CCDC39: variants seen among roughly 807,000 people sequenced by gnomAD.
The protein encoded by CCDC39 is coiled-coil domain-containing protein 39.
In CCDC39, 113 loss-of-function variants were observed where a neutral mutation model predicts 121.0. The observed-to-expected ratio is 0.93, with a 90% CI of 0.80 to 1.09. The LOEUF (loss-of-function observed/expected upper bound fraction) is 1.09, where lower values mean the gene tolerates loss of function less well. Among genes scored for constraint, CCDC39 ranks in the 50% least tolerant of loss-of-function variants. The probability of loss-of-function intolerance (pLI) is 0.00; values close to 1 mark genes in which losing one functional copy is unlikely to be tolerated. For synonymous variants in CCDC39, 349 were observed against 352.2 expected, an observed-to-expected ratio of 0.99 and a Z score of 0.10; for missense variants, 1,063 against 1,074.7, an observed-to-expected ratio of 0.99 and a Z score of 0.15.
chr3:180,622,086 A>G (rs528324718), intron 14 of CCDC39, among the ~76,000 whole-genome samples: 2 of 152,076 alleles, frequency 1.3e-5, no homozygotes, highest in South Asian at 4.1e-4. Context: ...TGTCATCTAT[A>G]ATTTCTTTCA....
At chr3:180,640,609 A>C (rs1717932476) in intron 13 of CCDC39, among the ~76,000 whole-genome samples, 1 of 152,090 alleles carries the variant, frequency 6.6e-6, no homozygotes, top group African/African-American at 2.4e-5. Context: ...AATCATCTCT[A>C]AAAATACTAC....
chr3:180,628,578 A>G (rs1717619950), intron 14 of CCDC39, among the ~76,000 whole-genome samples: 1 of 152,212 alleles, frequency 6.6e-6, no homozygotes, highest in South Asian at 2.1e-4. Context: ...AGAAACTAAT[A>G]AAAAGGGTCA....
At chr3:180,615,656 A>G (rs572882793) in intron 19 of CCDC39, among the ~76,000 whole-genome samples, 1 of 152,272 alleles carries the variant, frequency 6.6e-6, no homozygotes, top group South Asian at 2.1e-4. Context: ...ACCTGGACTA[A>G]GGAATAGTAA....
rs141486756 is a variant in CCDC39 at position 180,626,563 on chromosome 3, G to T, written c.1998+4906C>A. ...GGAATCGTCACCAGAGTACATGGGA[G>T]TGCCTGGTCTCTTTTCTCCCTCCTT... On this transcript the variant is annotated intron_variant, in intron 14 of 19. Coordinates refer to ENST00000476379, the MANE Select transcript of CCDC39 (RefSeq NM_181426.2). Among the ~76,000 whole-genome samples the T allele has an allele frequency of 1.3e-3, 191 of 152,288 alleles. 1 individual carries two copies. Among genetic ancestry groups the T allele is most frequent in the African/African-American group, 4.3e-3 (179 of 41,548 alleles).
chr3:180,651,448 C>A lies in CCDC39; in HGVS notation c.1120G>T (p.Ala374Ser). The change falls in exon 9 of 20, where the codon GCT (alanine) becomes TCT (serine). Residue 374 changes from alanine (A) to serine (S), a missense_variant. Coordinates refer to ENST00000476379, the MANE Select transcript of CCDC39 (RefSeq NM_181426.2). ...TEKTMSVEEK[A>S]TNLEDMLKEE... ...TTTAGCATATCTTCCAAATTAGTAG[C>A]TTTCTCTTCTACAGACATGGTTTTC... The A allele has an allele frequency of 6.4e-7, 1 of 1,557,364 alleles. No homozygotes were observed. The highest frequency in any genetic ancestry group is 8.7e-7 in the Non-Finnish European group (1 of 1,148,588).
intron 10 of CCDC39, among the ~76,000 whole-genome samples, chr3:180,647,487 T>G (rs1718100736): frequency 6.6e-6 from 1 of 151,928 alleles, no homozygotes; most frequent in Non-Finnish European, 1.5e-5. Context: ...TATGACAAAG[T>G]TGGGGGATGT....
At chr3:180,627,277 C>G (rs1330900280) in intron 14 of CCDC39, among the ~76,000 whole-genome samples, 1 of 151,934 alleles carries the variant, frequency 6.6e-6, no homozygotes, top group African/African-American at 2.4e-5. Context: ...AAAAGTTTAG[C>G]AAAAAAATTA....
Position 180,654,885 on chromosome 3 carries a change from C to CA in CCDC39, c.806dup (p.Leu269PhefsTer4). 6.3e-7 allele frequency: 1 copy of CA among 1,593,758 alleles called. No homozygotes were observed. Among genetic ancestry groups the CA allele is most frequent in the Non-Finnish European group, 8.5e-7 (1 of 1,172,666 alleles). On this transcript the variant is annotated frameshift_variant, in exon 7 of 20. Coordinates refer to ENST00000476379, the MANE Select transcript of CCDC39 (RefSeq NM_181426.2). LOFTEE classifies it high-confidence loss of function. ...CTGTGTTATTCCCAATCTCACTTTC[C>CA]AAAAACTTGATCTTTTCTTTAACCA... is the stretch of plus-strand genomic sequence containing the variant.
intron 4 of CCDC39, 61 bp from the exon 5 acceptor site, chr3:180,659,830 G>C (rs1711697911): frequency 9.0e-7 from 1 of 1,113,784 alleles, no homozygotes; most frequent in African/African-American, 1.6e-5. Flanking sequence ...AATGTTATTA[G>C]TGTATCTAAC....
chr3:180,655,759 G>A (rs1003220646), intron 6 of CCDC39, among the ~76,000 whole-genome samples: 2 of 152,078 alleles, frequency 1.3e-5, no homozygotes, highest in Non-Finnish European at 2.9e-5. Flanking sequence ...GGGCCAAATT[G>A]TGAAAAAATT....
chr3:180,630,032 A>G (rs900118164), intron 14 of CCDC39, among the ~76,000 whole-genome samples: 1 of 152,124 alleles, frequency 6.6e-6, no homozygotes, highest in African/African-American at 2.4e-5. Context: ...CAAAAGTAAC[A>G]ATATTACCCT....
At chr3:180,648,405 ATGT>A in intron 9 of CCDC39, 46 bp from the exon 10 acceptor site, 6 of 1,231,832 alleles carry the variant, frequency 4.9e-6, no homozygotes, top group Non-Finnish European at 6.7e-6. Context: ...ATATATTGAA[ATGT>A]TGTATTTATA....
At chr3:180,678,123 T>C (rs1461887626) in intron 1 of CCDC39, among the ~76,000 whole-genome samples, 2 of 152,174 alleles carry the variant, frequency 1.3e-5, no homozygotes, top group African/African-American at 4.8e-5. Context: ...TTTGTTCATC[T>C]CCATCTCCGC....
intron 6 of CCDC39, among the ~76,000 whole-genome samples, chr3:180,658,712 G>T (rs1334152876): frequency 6.6e-6 from 1 of 152,040 alleles, no homozygotes; most frequent in African/African-American, 2.4e-5. Flanking sequence ...TACAGAAATT[G>T]AAAATATAAC....
chr3:180,653,139 A>G (rs140199805), intron 7 of CCDC39, among the ~76,000 whole-genome samples: 43 of 152,336 alleles, frequency 2.8e-4, no homozygotes, highest in Non-Finnish European at 4.7e-4. Flanking sequence ...AAACCCTGAC[A>G]AAACTGAGCT....
Position 180,614,261 on chromosome 3 carries a change from T to C in CCDC39, c.*660A>G, listed in dbSNP as rs185867448. 423 of 157,434 alleles carry C rather than the reference T, an allele frequency of 2.7e-3. 1 individual carries two copies. Among genetic ancestry groups the C allele is most frequent in the Non-Finnish European group, 4.6e-3 (330 of 71,330 alleles). 9.8% of individuals were successfully genotyped at this position (157,434 alleles called of 1,614,324 possible). A position where few individuals can be genotyped will look rare whatever the true frequency, so the allele number is the denominator to read the frequency against. On this transcript the variant is annotated 3_prime_UTR_variant, in exon 20 of 20. Coordinates refer to ENST00000476379, the MANE Select transcript of CCDC39 (RefSeq NM_181426.2). The stretch of plus-strand genomic sequence containing the variant: ...TTGGCTGTATCTGAAAGCAAATCTT[T>C]AATGCGTTTATTTCAAGGTCAGAAG...
chr3:180,625,048 T>C (rs1013584905), intron 14 of CCDC39, among the ~76,000 whole-genome samples: 1 of 152,154 alleles, frequency 6.6e-6, no homozygotes, highest in Admixed American at 6.5e-5. Flanking sequence ...GCTGGGCCTC[T>C]TGTGTCTCGG....
intron 9 of CCDC39, 68 bp downstream of exon 9, chr3:180,651,333 A>C (rs943666275): frequency 7.8e-7 from 1 of 1,287,722 alleles, no homozygotes; most frequent in African/African-American, 1.5e-5. Context: ...CTCTGATCCT[A>C]GGAGTCTAAT....
intron 9 of CCDC39, among the ~76,000 whole-genome samples, chr3:180,650,764 G>A (rs1718182307): frequency 6.6e-6 from 1 of 151,920 alleles, no homozygotes; most frequent in Admixed American, 6.6e-5. Flanking sequence ...GGCTGAGGCA[G>A]GAGAATCACT....
Sources: allele counts gnomAD v4.1 joint callset (sites outside exome capture counted in the v4.1 genomes callset), GRCh38; gene constraint gnomAD v4.1.1; transcripts MANE v1.5; gene names NCBI Gene and HGNC (gene_info 2026-07-23, HGNC 2026-07-21).